LRRC4C: variants seen among roughly 807,000 people sequenced by gnomAD.
LRRC4C encodes leucine-rich repeat-containing protein 4C.
Under a neutral mutation model 33.6 loss-of-function variants are expected in LRRC4C, and 5 were observed. The observed-to-expected ratio is 0.15, with a 90% CI of 0.08 to 0.31. LRRC4C has a LOEUF of 0.31. LRRC4C is among the 10% of genes least tolerant of loss of function. LRRC4C has a pLI of 1.00. For missense variants in LRRC4C, 560 were observed against 796.7 expected (o/e 0.70, Z 3.58); for synonymous variants, 329 against 302.0 (o/e 1.09, Z -0.93).
chr11:40,570,271 G>A (rs1591137487), intron 3 of LRRC4C, among the ~76,000 whole-genome samples: 1 of 151,872 alleles, frequency 6.6e-6, no homozygotes, highest in Admixed American at 6.6e-5. Context: ...TTTATACTGG[G>A]GAAAAATCAA....
intron 5 of LRRC4C, among the ~76,000 whole-genome samples, chr11:40,207,704 T>C (rs1391687039): frequency 6.6e-6 from 1 of 152,186 alleles, no homozygotes; most frequent in African/African-American, 2.4e-5. Context: ...TAAGGAATTT[T>C]AAGAGTTCAT....
chr11:41,431,358 T>G (rs1255199113), intron 1 of LRRC4C, among the ~76,000 whole-genome samples: 1 of 151,810 alleles, frequency 6.6e-6, no homozygotes, highest in Non-Finnish European at 1.5e-5. Flanking sequence ...AAGTTAATTT[T>G]TAATAAAAGA....
chr11:40,307,276 C>T (rs949340078), intron 4 of LRRC4C, among the ~76,000 whole-genome samples: 1 of 152,184 alleles, frequency 6.6e-6, no homozygotes, highest in African/African-American at 2.4e-5. Flanking sequence ...GTTTTAAATA[C>T]TGGACATAAA....
At chr11:40,551,020 G>A (rs189898203) in intron 3 of LRRC4C, among the ~76,000 whole-genome samples, 14 of 152,062 alleles carry the variant, frequency 9.2e-5, no homozygotes, top group Non-Finnish European at 1.6e-4. Context: ...CAACTCCCAC[G>A]CAGGGGAAGA....
At chr11:40,396,646 G>A (rs1018009708) in intron 3 of LRRC4C, among the ~76,000 whole-genome samples, 2 of 152,034 alleles carry the variant, frequency 1.3e-5, no homozygotes, top group Admixed American at 1.3e-4. Context: ...CATCTATTTT[G>A]CATATCACAG....
chr11:40,500,293 T>TACACAC (rs375005241), intron 3 of LRRC4C, among the ~76,000 whole-genome samples: 14 of 96,858 alleles, frequency 1.4e-4, no homozygotes, highest in East Asian at 3.1e-4. Flanking sequence ...TATATATATA[T>TACACAC]ACACACACAC....
intron 1 of LRRC4C, among the ~76,000 whole-genome samples, chr11:41,393,767 A>G (rs1422420220): frequency 6.6e-6 from 1 of 151,952 alleles, no homozygotes; most frequent in African/African-American, 2.4e-5. Context: ...ACAGTATCCT[A>G]TCACATTTTG....
chr11:41,016,704 CAG>C (rs35493984), intron 1 of LRRC4C, among the ~76,000 whole-genome samples: 64,809 of 132,788 alleles, frequency 0.49, 14,047 homozygotes, highest in South Asian at 0.57. Context: ...TGAGTGAACA[CAG>C]AGAGGTTTTC....
intron 1 of LRRC4C, among the ~76,000 whole-genome samples, chr11:41,437,071 G>C (rs530195609): frequency 6.6e-6 from 1 of 152,216 alleles, no homozygotes; most frequent in East Asian, 1.9e-4. Context: ...GAAAATTACT[G>C]TTACTAAATG....
At chr11:40,317,178 G>T (rs1590294649) in intron 4 of LRRC4C, among the ~76,000 whole-genome samples, 1 of 145,962 alleles carries the variant, frequency 6.9e-6, no homozygotes, top group East Asian at 2.0e-4. Context: ...CTAAATTAGG[G>T]TATTTTGTTT....
chr11:41,182,614 T>C (rs575398791), intron 1 of LRRC4C, among the ~76,000 whole-genome samples: 22 of 152,266 alleles, frequency 1.4e-4, no homozygotes, highest in Admixed American at 5.9e-4. Flanking sequence ...CTAGGATCTC[T>C]AAAAGTCCAA....
At chr11:40,124,836 G>T (rs1282623664) in intron 6 of LRRC4C, among the ~76,000 whole-genome samples, 1 of 152,066 alleles carries the variant, frequency 6.6e-6, no homozygotes, top group Non-Finnish European at 1.5e-5. Context: ...AAGGATAAAT[G>T]CTTGAGGTCA....
rs1945927956 is a variant in LRRC4C at position 41,191,158 on chromosome 11, GGTCCCATGCA to G, written c.-495-257445_-495-257436del. On this transcript the variant is annotated intron_variant, in intron 1 of 6. Coordinates refer to ENST00000528697, the MANE Select transcript of LRRC4C (RefSeq NM_001258419.2). ...TGTTCAAGAATATTGCTTTGCATTT[GGTCCCATGCA>G]GTCCCATTGTTTCTATTTTGAATTA... Among the ~76,000 whole-genome samples, 6 of 152,202 alleles carry G rather than the reference GGTCCCATGCA, an allele frequency of 3.9e-5. No homozygotes were observed. The South Asian group carries it at 1.2e-3, about 32-fold the overall frequency.
intron 4 of LRRC4C, among the ~76,000 whole-genome samples, chr11:40,317,214 C>T (rs948661219): frequency 6.6e-6 from 1 of 151,072 alleles, no homozygotes; most frequent in African/African-American, 2.5e-5. Flanking sequence ...GGACATCCTA[C>T]TGACTTAGGA....
chr11:40,354,399 G>A (rs1947559966), intron 3 of LRRC4C, among the ~76,000 whole-genome samples: 1 of 152,110 alleles, frequency 6.6e-6, no homozygotes, highest in African/African-American at 2.4e-5. Context: ...AATCCAGGCA[G>A]GCTTATGTCC....
intron 1 of LRRC4C, among the ~76,000 whole-genome samples, chr11:40,942,538 C>T (rs191326547): frequency 1.3e-4 from 20 of 152,194 alleles, no homozygotes; most frequent in Admixed American, 4.6e-4. Flanking sequence ...AGTGTGGGGG[C>T]GTTGCAAGTA....
chr11:40,902,886 A>T (rs928022663), intron 2 of LRRC4C, among the ~76,000 whole-genome samples: 4 of 152,166 alleles, frequency 2.6e-5, no homozygotes, highest in African/African-American at 9.7e-5. Flanking sequence ...GCTGTCTTTA[A>T]AACATAAAAG....
rs535910344 is a variant in LRRC4C, at chr11:40,824,536, C to T, written c.-407+109099G>A. ...TCACGTTTCCACTACTAGAAATCTT[C>T]CCCAAGTTTAAATATGTACCCCAAC... On this transcript the variant is annotated intron_variant, in intron 2 of 6. Coordinates refer to ENST00000528697, the MANE Select transcript of LRRC4C (RefSeq NM_001258419.2). Among the ~76,000 whole-genome samples, 7 of 151,940 alleles carry T rather than the reference C, an allele frequency of 4.6e-5. No individual in the cohort carries two copies. In the South Asian group the frequency reaches 1.5e-3, roughly 32 times the overall value.
At chr11:41,047,561 T>C (rs1822084151) in intron 1 of LRRC4C, among the ~76,000 whole-genome samples, 1 of 152,074 alleles carries the variant, frequency 6.6e-6, no homozygotes, top group African/African-American at 2.4e-5. Context: ...GCTAGGTGAG[T>C]ACCTCAAAGA....
Sources: allele counts gnomAD v4.1 joint callset (sites outside exome capture counted in the v4.1 genomes callset), GRCh38; gene constraint gnomAD v4.1.1; transcripts MANE v1.5; gene names NCBI Gene and HGNC (gene_info 2026-07-23, HGNC 2026-07-21).